Variants in CLEC16A observed in about 807,000 individuals in gnomAD.
The protein encoded by CLEC16A is C-type lectin domain containing 16A.
CLEC16A carries 51 observed loss-of-function variants against 109.5 expected under a neutral mutation model. The observed-to-expected ratio is 0.47, with a 90% CI of 0.37 to 0.59. The LOEUF is 0.59. CLEC16A is among the 20% of genes least tolerant of loss of function. CLEC16A has a pLI of 0.00. For missense variants in CLEC16A, 1,339 were observed against 1,394.0 expected (o/e 0.96, Z 0.63); for synonymous variants, 673 against 564.2 (o/e 1.19, Z -2.73).
At chr16:11,139,379 T>G (rs2053718579) in intron 22 of CLEC16A, among the ~76,000 whole-genome samples, 1 of 152,260 alleles carries the variant, frequency 6.6e-6, no homozygotes, top group African/African-American at 2.4e-5. Context: ...AAATACAGTT[T>G]TCTTTATTTG....
rs201690196 is a variant in CLEC16A at position 10,977,323 on chromosome 16, A to G, written c.827A>G (p.Asn276Ser). 1.4e-5 allele frequency: 22 copies of G among 1,613,890 alleles called. No homozygotes were observed. The African/African-American group carries it at 2.8e-4, about 21-fold the overall frequency. The change falls in exon 8 of 24, where the codon AAC (asparagine) becomes AGC (serine). Residue 276 changes from asparagine to serine, a missense_variant. Transcript: ENST00000409790. ...CTGATCATCAACTGTGAGTTCCTCAACGATGTGCTCACTGACCACCTGCTC... is the reference window on the plus strand; with the variant it reads ...CTGATCATCAACTGTGAGTTCCTCAGCGATGTGCTCACTGACCACCTGCTC... ...DILIINCEFLNDVLTDHLLNR... is the reference protein window; with the variant it reads ...DILIINCEFLSDVLTDHLLNR...
intron 1 of CLEC16A, among the ~76,000 whole-genome samples, chr16:10,953,299 G>T (rs994936961): frequency 6.6e-6 from 1 of 152,198 alleles, no homozygotes; most frequent in Non-Finnish European, 1.5e-5. Flanking sequence ...TCTGTAAATG[G>T]TGCTGGGTCA....
chr16:11,010,544 TTC>T (rs1294124667), intron 11 of CLEC16A, among the ~76,000 whole-genome samples: 33 of 152,188 alleles, frequency 2.2e-4, no homozygotes, highest in African/African-American at 7.5e-4. Context: ...CTATTGTATT[TTC>T]TCTGTCTGCA....
At chr16:10,968,027 C>T (rs912925528) in intron 3 of CLEC16A, among the ~76,000 whole-genome samples, 6 of 152,338 alleles carry the variant, frequency 3.9e-5, no homozygotes, top group Middle Eastern at 3.4e-3. Context: ...CTCTGAGTAG[C>T]GAGGCTCCAA....
chr16:11,057,435 G>T (rs2048267546), intron 18 of CLEC16A, among the ~76,000 whole-genome samples: 1 of 152,230 alleles, frequency 6.6e-6, no homozygotes, highest in Admixed American at 6.5e-5. Flanking sequence ...CACGTCACGT[G>T]ATTACCAAGC....
intron 10 of CLEC16A, 88 bp downstream of exon 10, chr16:10,983,079 A>C (rs2043419322): frequency 2.7e-6 from 2 of 751,722 alleles, no homozygotes; most frequent in Non-Finnish European, 4.6e-6. Context: ...AGAAACTAAC[A>C]TTCTGAATAT....
intron 11 of CLEC16A, among the ~76,000 whole-genome samples, chr16:11,009,722 G>A (rs1237800765): frequency 6.6e-6 from 1 of 152,220 alleles, no homozygotes; most frequent in Non-Finnish European, 1.5e-5. Flanking sequence ...AAAGAAAAGA[G>A]CCCACAGTAG....
chr16:11,011,210 C>T (rs945814563), intron 11 of CLEC16A, among the ~76,000 whole-genome samples: 6 of 152,210 alleles, frequency 3.9e-5, no homozygotes, highest in African/African-American at 1.4e-4. Context: ...GTTGATGATT[C>T]TTGCCTGGTT....
At chr16:10,972,474 C>G (rs1596815815) in intron 5 of CLEC16A, 80 bp from the exon 6 acceptor site, 1 of 1,354,612 alleles carries the variant, frequency 7.4e-7, no homozygotes, top group Admixed American at 1.8e-5. Flanking sequence ...GCTCTCTCAC[C>G]TTCCCAGGTC....
At chr16:11,051,167 A>G (rs185273627) in intron 17 of CLEC16A, among the ~76,000 whole-genome samples, 43 of 152,342 alleles carry the variant, frequency 2.8e-4, no homozygotes, top group Middle Eastern at 6.8e-3. Flanking sequence ...GCTTGCACCC[A>G]CAGGGATAAA....
intron 22 of CLEC16A, among the ~76,000 whole-genome samples, chr16:11,163,746 G>A (rs190263579): frequency 6.6e-6 from 1 of 152,248 alleles, no homozygotes; most frequent in East Asian, 1.9e-4. Flanking sequence ...CCTTGGCAAC[G>A]GCTATGTCAT....
intron 18 of CLEC16A, among the ~76,000 whole-genome samples, chr16:11,058,990 T>C (rs1345565562): frequency 6.6e-6 from 1 of 152,236 alleles, no homozygotes; most frequent in Non-Finnish European, 1.5e-5. Context: ...TCTTGGGCTT[T>C]CTGTACTTGG....
At position 11,166,528 on chromosome 16, in the gene CLEC16A, C is replaced by A. The variant is rs766294713; in HGVS notation, c.2782C>A (p.Pro928Thr). The change falls in exon 23 of 24, where the codon CCC becomes ACC. Residue 928 changes from proline (P) to threonine (T), a missense_variant. Coordinates refer to ENST00000409790, the MANE Select transcript of CLEC16A (RefSeq NM_015226.3). ...DSGGTSSSST[P>T]STAQSPADAP... ...TGGAGGCACCAGCTCGTCCTCCACC[C>A]CCTCCACAGCCCAGAGTCCAGCAGG... 2 of 1,605,598 alleles carry A rather than the reference C, an allele frequency of 1.2e-6. No individual in the cohort carries two copies. Among genetic ancestry groups the A allele is most frequent in the Admixed American group, 3.4e-5 (2 of 59,492 alleles).
intron 21 of CLEC16A, 25 bp downstream of exon 21, chr16:11,123,971 C>T (rs1252239599): frequency 1.3e-6 from 2 of 1,569,576 alleles, no homozygotes; most frequent in Middle Eastern, 3.4e-4. Flanking sequence ...CCTGGCAGGG[C>T]ATCCTCTGAG....
chr16:11,075,422 G>T (rs1464785256), intron 19 of CLEC16A, among the ~76,000 whole-genome samples: 1 of 146,532 alleles, frequency 6.8e-6, no homozygotes, highest in African/African-American at 2.6e-5. Context: ...CTGTGTGTGT[G>T]TGTGTATGTG....
At chr16:10,972,422 CTG>C (rs1022040287) in intron 5 of CLEC16A, 130 bp from the exon 6 acceptor site, 15 of 746,754 alleles carry the variant, frequency 2.0e-5, no homozygotes, top group African/African-American at 1.9e-4. Flanking sequence ...CCTTATCTCT[CTG>C]TGCAGATGCC....
chr16:11,003,970 C>CA (rs962482634), intron 11 of CLEC16A, among the ~76,000 whole-genome samples: 3,011 of 57,972 alleles, frequency 0.052, 110 homozygotes, highest in African/African-American at 0.13. Context: ...CCTGTCTCTA[C>CA]AAAAAAAAAA....
chr16:11,170,013 G>A (rs1299744091), intron 23 of CLEC16A, among the ~76,000 whole-genome samples: 1 of 152,218 alleles, frequency 6.6e-6, no homozygotes, highest in Non-Finnish European at 1.5e-5. Flanking sequence ...CCCAGAGGAT[G>A]CAGCTAGCCA....
Position 11,027,336 on chromosome 16 carries a change from A to G in CLEC16A, c.1537+2415A>G. The G allele has an allele frequency of 3.5e-6, 5 of 1,416,016 alleles. No individual in the cohort carries two copies. In the South Asian group the frequency reaches 5.7e-5, roughly 16 times the overall value. The allele number at this position is 1,416,016 out of a possible 1,614,324, so 87.7% of individuals were successfully genotyped here. On this transcript the variant is annotated intron_variant, in intron 13 of 23. Coordinates refer to ENST00000409790, the MANE Select transcript of CLEC16A (RefSeq NM_015226.3). ...TGATGGCGTGAGTTTACTGGTGCAG[A>G]GAACCATTGCAAGACTTTGCCTAAA...
Sources: allele counts gnomAD v4.1 joint callset (sites outside exome capture counted in the v4.1 genomes callset), GRCh38; gene constraint gnomAD v4.1.1; transcripts MANE v1.5; gene names NCBI Gene and HGNC (gene_info 2026-07-23, HGNC 2026-07-21).